HGD: variants seen among roughly 807,000 people sequenced by gnomAD.
The protein encoded by HGD is homogentisate oxidase.
HGD carries 61 observed loss-of-function variants against 60.8 expected under a neutral mutation model. The observed-to-expected ratio is 1.00, with a 90% CI of 0.82 to 1.24. HGD has a LOEUF of 1.24. HGD is among the 50% of genes most tolerant of loss of function. HGD has a pLI of 0.00. For synonymous variants in HGD, 212 were observed against 187.7 expected (o/e 1.13, Z -1.06); for missense variants, 542 against 547.1 (o/e 0.99, Z 0.09).
intron 4 of HGD, among the ~76,000 whole-genome samples, chr3:120,656,489 A>G (rs894844669): frequency 6.6e-6 from 1 of 152,178 alleles, no homozygotes; most frequent in African/African-American, 2.4e-5. Context: ...GAATGACTGA[A>G]TAGATGAATA....
At chr3:120,659,074 T>C (rs1941582962) in intron 4 of HGD, among the ~76,000 whole-genome samples, 1 of 152,248 alleles carries the variant, frequency 6.6e-6, no homozygotes, top group South Asian at 2.1e-4. Context: ...TCCCACATTG[T>C]CTTGGCTATC....
chr3:120,647,993 A>G (rs374812910), intron 6 of HGD, 82 bp from the exon 7 acceptor site: 130 of 1,135,774 alleles, frequency 1.1e-4, no homozygotes, highest in Non-Finnish European at 1.7e-4. Flanking sequence ...ATCATTGTTT[A>G]GTGCCTATGT....
intron 4 of HGD, among the ~76,000 whole-genome samples, chr3:120,664,538 C>A (rs1209776283): frequency 6.6e-6 from 1 of 150,786 alleles, no homozygotes; most frequent in Admixed American, 6.6e-5. Context: ...AGCAGTCTTC[C>A]CACCTCAGCC....
intron 9 of HGD, 124 bp downstream of exon 9, chr3:120,646,143 T>A (rs909656434): frequency 4.9e-5 from 36 of 736,594 alleles, no homozygotes; most frequent in African/African-American, 3.6e-4. Context: ...TAGAGAAGAA[T>A]TTGTCTAGAG....
intron 1 of HGD, among the ~76,000 whole-genome samples, chr3:120,681,686 G>A (rs1026874671): frequency 1.3e-5 from 2 of 152,158 alleles, no homozygotes; most frequent in Non-Finnish European, 2.9e-5. Flanking sequence ...CTGATTCAGA[G>A]CCTTAATTAA....
In HGD at chr3:120,641,693, C is replaced by A; in HGVS notation, c.775G>T (p.Asp259Tyr). 1 of 1,604,014 alleles carries A rather than the reference C, an allele frequency of 6.2e-7. No individual in the cohort carries two copies. Among genetic ancestry groups the A allele is most frequent in the Non-Finnish European group, 8.5e-7 (1 of 1,170,794 alleles). Residue 259 changes from aspartate (D) to tyrosine (Y), a missense_variant and splice_region_variant, in exon 11 of 14, where the codon GAT becomes TAT. Coordinates refer to ENST00000283871, the MANE Select transcript of HGD (RefSeq NM_000187.4). ...YQGKLFAAKQ[D>Y]VSPFNVVAWH... The stretch of plus-strand genomic sequence containing the variant: ...GCCACAACATTGAACGGGGAGACAT[C>A]CTAAACACAAAAAGCAGGAAAGGAT...
At chr3:120,656,079 G>T (rs1576303796) in intron 4 of HGD, among the ~76,000 whole-genome samples, 1 of 152,154 alleles carries the variant, frequency 6.6e-6, no homozygotes, top group African/African-American at 2.4e-5. Flanking sequence ...AATCTGATAG[G>T]ATTGATGGCC....
chr3:120,629,818 GAGA>G (rs767706647), intron 13 of HGD, among the ~76,000 whole-genome samples: 27 of 152,090 alleles, frequency 1.8e-4, no homozygotes, highest in Admixed American at 3.3e-4. Context: ...GCATCCAGAA[GAGA>G]AGAAGTCAAC....
At position 120,633,242 on chromosome 3, in the gene HGD, G is replaced by A; in HGVS notation, c.1093C>T (p.His365Tyr). The change falls in exon 13 of 14, where the codon CAC (histidine) becomes TAC (tyrosine). Residue 365 changes from histidine to tyrosine, a missense_variant. Coordinates refer to ENST00000283871, the MANE Select transcript of HGD (RefSeq NM_000187.4). The stretch of plus-strand genomic sequence containing the variant: ...GGTCCATGGGGGGTCATTGTGCTGT[G>A]TAGACTCCCTCCCCCTGGCAGGAAC... ...GGFLPGGGSL[H>Y]STMTPHGPDA... is the part of the protein sequence containing the mutation. The A allele has an allele frequency of 6.2e-7, 1 of 1,614,134 alleles. No individual in the cohort carries two copies. Among genetic ancestry groups the A allele is most frequent in the South Asian group, 1.1e-5 (1 of 91,084 alleles).
intron 4 of HGD, among the ~76,000 whole-genome samples, chr3:120,659,122 G>T (rs1378753743): frequency 3.9e-5 from 6 of 152,196 alleles, no homozygotes. Context: ...AATTTCTGCA[G>T]CCAGTTTGAA....
intron 10 of HGD, among the ~76,000 whole-genome samples, chr3:120,643,717 TCTA>T (rs1941068208): frequency 6.6e-6 from 1 of 152,188 alleles, no homozygotes; most frequent in Non-Finnish European, 1.5e-5. Context: ...ATTATTTTAT[TCTA>T]ATATATATTC....
chr3:120,646,272 G>T lies in HGD; in HGVS notation c.644C>A (p.Pro215Gln). The change falls in exon 9 of 14, where the codon CCA becomes CAA. Residue 215 changes from proline to glutamine, a missense_variant. By Grantham distance (76) the Pro-to-Gln change is moderately conservative (BLOSUM62 -1). This residue lies in a region of HGD where 537 missense variants were observed against 529.1 expected (regional missense o/e 1.01). Coordinates refer to ENST00000283871, the MANE Select transcript of HGD (RefSeq NM_000187.4). ...GVHFELPDLG[P>Q]IGANGLANPR... ...GGCTTGTAATGAAGATTTACCAATTGGTCCAAGGTCAGGTAACTCAAAGTG... is the reference window on the plus strand; with the variant it reads ...GGCTTGTAATGAAGATTTACCAATTTGTCCAAGGTCAGGTAACTCAAAGTG... 1.3e-6 allele frequency: 2 copies of T among 1,592,202 alleles called. No individual in the cohort carries two copies. Among genetic ancestry groups the T allele is most frequent in the Non-Finnish European group, 1.7e-6 (2 of 1,160,170 alleles).
chr3:120,670,522 TATA>T lies in HGD; in HGVS notation c.184_186del (p.Tyr62del). 6.3e-7 allele frequency: 1 copy of T among 1,588,792 alleles called. No individual in the cohort carries two copies. The highest frequency in any genetic ancestry group is 8.6e-7 in the Non-Finnish European group (1 of 1,156,938). On this transcript the variant is annotated inframe_deletion, in exon 4 of 14. Coordinates refer to ENST00000283871, the MANE Select transcript of HGD (RefSeq NM_000187.4). ...TTGTGAGAAACTGAAGGTAGAATCC[TATA>T]CAGCCAGCTAGAGGGAAAAACATAC...
rs564919421 is a variant in HGD at position 120,672,505 on chromosome 3, T to C, written c.177-1973A>G. 4.6e-5 allele frequency among the ~76,000 whole-genome samples: 7 copies of C among 152,198 alleles called. No homozygotes were observed. The South Asian group carries it at 8.3e-4, about 18-fold the overall frequency. ...ACCAAGGACAGTCTACCTCAGTGAG[T>C]TGAGTTGGCCTGGCCCAACATTGAG... is the stretch of plus-strand genomic sequence containing the variant. On this transcript the variant is annotated intron_variant, in intron 3 of 13. Transcript: ENST00000283871.
At chr3:120,659,880 C>A (rs971212472) in intron 4 of HGD, among the ~76,000 whole-genome samples, 5 of 142,588 alleles carry the variant, frequency 3.5e-5, no homozygotes, top group African/African-American at 1.4e-4. Context: ...AGTTTTCAAT[C>A]ATGGCAGAAG....
intron 1 of HGD, among the ~76,000 whole-genome samples, chr3:120,676,611 T>C (rs1247483955): frequency 6.6e-6 from 1 of 152,222 alleles, no homozygotes; most frequent in East Asian, 1.9e-4. Context: ...TCATAGAAGG[T>C]AATCAGTGGA....
At chr3:120,669,908 T>C (rs1010770963) in intron 4 of HGD, among the ~76,000 whole-genome samples, 1 of 152,198 alleles carries the variant, frequency 6.6e-6, no homozygotes, top group African/African-American at 2.4e-5. Flanking sequence ...TCCCACCTCA[T>C]ATCATTTGTC....
At chr3:120,641,423 C>T (rs560541599) in intron 11 of HGD, among the ~76,000 whole-genome samples, 166 bp downstream of exon 11, 5 of 152,304 alleles carry the variant, frequency 3.3e-5, no homozygotes, top group Middle Eastern at 3.4e-3. Context: ...CTTTGCTTCC[C>T]TACTAGTTGT....
chr3:120,633,435 T>C, intron 12 of HGD, 107 bp from the exon 13 acceptor site: 2 of 1,596,880 alleles, frequency 1.3e-6, no homozygotes, highest in Non-Finnish European at 1.7e-6. Context: ...CAGGAGAAAC[T>C]AGTAAATTGT....
Sources: gnomAD v4.1 joint callset for allele counts (sites outside exome capture counted in the v4.1 genomes callset) on GRCh38, gnomAD v4.1.1 for gene constraint, gnomAD v4.1.1 regional missense constraint, MANE v1.5 for transcripts, NCBI Gene and HGNC (gene_info 2026-07-23, HGNC 2026-07-21) for gene names.